Variants in PTH1R observed in about 807,000 individuals in gnomAD.
PTH1R encodes the protein parathyroid hormone 1 receptor, also known as parathyroid hormone/parathyroid hormone-related peptide receptor.
A neutral mutation model predicts 70.7 loss-of-function variants in PTH1R; 32 were observed. That is an observed-to-expected ratio of 0.45 (90% confidence interval 0.34 to 0.61). The LOEUF is 0.61. PTH1R is among the 20% of genes least tolerant of loss of function. PTH1R has a pLI of 0.01. For missense variants in PTH1R, 626 were observed against 792.5 expected, an observed-to-expected ratio of 0.79 and a Z score of 2.52; for synonymous variants, 329 against 324.8, an observed-to-expected ratio of 1.01 and a Z score of -0.14.
chr3:46,880,604 G>A (rs1328436639), intron 1 of PTH1R, among the ~76,000 whole-genome samples: 3 of 152,150 alleles, frequency 2.0e-5, no homozygotes, highest in African/African-American at 7.2e-5. Context: ...AGCCAGGTTG[G>A]TGGTACACAC....
rs1475881811 is a variant in PTH1R at position 46,882,181 on chromosome 3, A to AGG, written c.-49+1067_-49+1068dup. ...CACACTCCCGCGTCGGCGGCTGCGG[A>AGG]GGGGGTGGGGGCGGGAGAGGCCCGG... On this transcript the variant is annotated intron_variant, in intron 2 of 15. Transcript: ENST00000449590. The surrounding 1 kb of genome is among the most constrained non-coding windows in gnomAD (Gnocchi z 4.3). The AGG allele has an allele frequency of 7.6e-6, 1 of 131,190 alleles. No individual in the cohort carries two copies. The highest frequency in any genetic ancestry group is 1.7e-5 in the Non-Finnish European group (1 of 59,412). The allele number at this position is 131,190 out of a possible 1,614,324, so 8.1% of individuals were successfully genotyped here. A position where few individuals can be genotyped will look rare whatever the true frequency, so the allele number is the denominator to read the frequency against.
intron 3 of PTH1R, among the ~76,000 whole-genome samples, chr3:46,885,100 G>A (rs1024417735): frequency 1.3e-5 from 2 of 152,130 alleles, no homozygotes; most frequent in Non-Finnish European, 2.9e-5. Flanking sequence ...GGTGTGTGAC[G>A]GCCTGAGGGG....
rs113835526 is a variant in PTH1R at position 46,902,166 on chromosome 3, G to A, written c.1211+306G>A. Among the ~76,000 whole-genome samples, 107 of 152,328 alleles carry A rather than the reference G, an allele frequency of 7.0e-4. No individual in the cohort carries two copies. Among genetic ancestry groups the A allele is most frequent in the Admixed American group, 1.9e-3 (29 of 15,304 alleles). On this transcript the variant is annotated intron_variant, in intron 13 of 15. Coordinates refer to ENST00000449590, the MANE Select transcript of PTH1R (RefSeq NM_000316.3). The surrounding 1 kb of genome is among the most constrained non-coding windows in gnomAD (Gnocchi z 5.4). Reference sequence around the variant, plus strand: ...CAGGGGGTCTGAGGAACAGGTAGGCGGTGAGTGGCCCCGGGAAGGCTGCAG... The same window carrying A: ...CAGGGGGTCTGAGGAACAGGTAGGCAGTGAGTGGCCCCGGGAAGGCTGCAG...
Position 46,903,750 on chromosome 3 carries a change from A to G in PTH1R, c.*94A>G. On this transcript the variant is annotated 3_prime_UTR_variant, in exon 16 of 16. Coordinates refer to ENST00000449590, the MANE Select transcript of PTH1R (RefSeq NM_000316.3). This position sits in a 1 kb window ranked among gnomAD's most constrained non-coding sequence, Gnocchi z 4.4. Reference sequence around the variant, plus strand: ...TGATTTCCCACTCAGGGCTGGGGCCAAGAGGAAAAACAGGGAAAAAAAGAA... The same window carrying G: ...TGATTTCCCACTCAGGGCTGGGGCCGAGAGGAAAAACAGGGAAAAAAAGAA... 1 of 1,555,528 alleles carries G rather than the reference A, an allele frequency of 6.4e-7. No homozygotes were observed. Among genetic ancestry groups the G allele is most frequent in the South Asian group, 1.2e-5 (1 of 84,820 alleles).
Position 46,902,589 on chromosome 3 carries a change from G to A in PTH1R, c.1275G>A (p.Met425Ile), listed in dbSNP as rs1477819085. The A allele has an allele frequency of 6.2e-7, 1 of 1,613,632 alleles. No individual in the cohort carries two copies. The highest frequency in any genetic ancestry group is 2.2e-5 in the East Asian group (1 of 44,888). ...PLFGVHYIVF[M>I]ATPYTEVSGT... ...TTGGCGTCCACTACATTGTCTTCAT[G>A]GCCACACCATACACCGAGGTCTCAG... is the stretch of plus-strand genomic sequence containing the variant. Residue 425 changes from methionine to isoleucine, a missense_variant, in exon 14 of 16, where the codon ATG becomes ATA. Met to Ile is a conservative substitution (Grantham distance 10, BLOSUM62 1). This residue lies in a region of PTH1R where 495 missense variants were observed against 638.7 expected (regional missense o/e 0.77). Coordinates refer to ENST00000449590, the MANE Select transcript of PTH1R (RefSeq NM_000316.3). The surrounding 1 kb of genome is among the most constrained non-coding windows in gnomAD (Gnocchi z 5.4).
In PTH1R at chr3:46,901,261, G is replaced by A. The variant is rs1398219979; in HGVS notation, c.1050-153G>A. 6.6e-6 allele frequency among the ~76,000 whole-genome samples: 1 copy of A among 152,190 alleles called. No individual in the cohort carries two copies. The highest frequency in any genetic ancestry group is 1.5e-5 in the Non-Finnish European group (1 of 68,038). On this transcript the variant is annotated intron_variant, in intron 11 of 15. Coordinates refer to ENST00000449590, the MANE Select transcript of PTH1R (RefSeq NM_000316.3). This position sits in a 1 kb window ranked among gnomAD's most constrained non-coding sequence, Gnocchi z 7.3. ...GGTCACAGGAGGCTACTTCCAAAGA[G>A]GCCTGTGAGGGAGGCCTCAGGCCTG...
chr3:46,878,127 C>G (rs1474239332), intron 1 of PTH1R, among the ~76,000 whole-genome samples: 1 of 152,186 alleles, frequency 6.6e-6, no homozygotes, highest in Non-Finnish European at 1.5e-5. Flanking sequence ...ATCGCCCCTC[C>G]CTTCACCTTC....
chr3:46,890,745 C>T (rs1432754842), intron 3 of PTH1R, among the ~76,000 whole-genome samples: 1 of 152,098 alleles, frequency 6.6e-6, no homozygotes, highest in Admixed American at 6.5e-5. Flanking sequence ...AGGTGATCCA[C>T]CTGGTTTGGC....
chr3:46,883,696 T>G lies in PTH1R; in HGVS notation c.75+62T>G, dbSNP rs1337808352. ...CGGGCTTACCCTAGGGTCCGCGGGA[T>G]AGGTCTAAGGCACGCAGTCTTGAGT... On this transcript the variant is annotated intron_variant, in intron 3 of 15. Coordinates refer to ENST00000449590, the MANE Select transcript of PTH1R (RefSeq NM_000316.3). This position sits in a 1 kb window ranked among gnomAD's most constrained non-coding sequence, Gnocchi z 6.4. 6.5e-7 allele frequency: 1 copy of G among 1,534,860 alleles called. No homozygotes were observed. Among genetic ancestry groups the G allele is most frequent in the Non-Finnish European group, 8.8e-7 (1 of 1,139,618 alleles).
intron 3 of PTH1R, among the ~76,000 whole-genome samples, chr3:46,888,539 C>T (rs567418986): frequency 2.6e-5 from 4 of 152,180 alleles, no homozygotes; most frequent in South Asian, 2.1e-4. Flanking sequence ...AAAGGTGGGG[C>T]GAGGGTTTTG....
rs1304478200 is a variant in PTH1R, at chr3:46,901,506, C to A, written c.1116+26C>A. On this transcript the variant is annotated intron_variant, in intron 12 of 15. Coordinates refer to ENST00000449590, the MANE Select transcript of PTH1R (RefSeq NM_000316.3). The surrounding 1 kb of genome is among the most constrained non-coding windows in gnomAD (Gnocchi z 7.3). ...GTGAGCAGGGGTGGGCTGCTGGCCA[C>A]AGGGGTGGGTGGGATGTGCGCCTGC... 15 of 1,556,000 alleles carry A rather than the reference C, an allele frequency of 9.6e-6. No homozygotes were observed. Among genetic ancestry groups the A allele is most frequent in the African/African-American group, 5.5e-5 (4 of 73,386 alleles).
intron 10 of PTH1R, among the ~76,000 whole-genome samples, chr3:46,900,054 G>A (rs1442983788): frequency 3.9e-5 from 6 of 152,362 alleles, no homozygotes; most frequent in South Asian, 4.1e-4. Context: ...GTCCATTATT[G>A]TTGGCAGCTG....
In PTH1R at chr3:46,901,930, G is replaced by A; in HGVS notation, c.1211+70G>A. On this transcript the variant is annotated intron_variant, in intron 13 of 15. Transcript: ENST00000449590. This position sits in a 1 kb window ranked among gnomAD's most constrained non-coding sequence, Gnocchi z 7.3. ...TGAGTCCTGGTACCATGTACCCCAG[G>A]AAAGACAGTGGCCCCATGAATGATC... 2 of 1,428,330 alleles carry A rather than the reference G, an allele frequency of 1.4e-6. No homozygotes were observed. The highest frequency in any genetic ancestry group is 2.0e-6 in the Non-Finnish European group (2 of 1,016,740). The allele number at this position is 1,428,330 out of a possible 1,614,324, so 88.5% of individuals were successfully genotyped here.
Position 46,893,922 on chromosome 3 carries a change from G to A in PTH1R, c.91G>A (p.Val31Ile), listed in dbSNP as rs748205910. 16 of 1,613,942 alleles carry A rather than the reference G, an allele frequency of 9.9e-6. No homozygotes were observed. The South Asian group carries it at 1.1e-4, about 11-fold the overall frequency. ...SAYALVDADD[V>I]MTKEEQIFLL... ...GGCTTGGCAGGTGGATGCAGATGAC[G>A]TCATGACTAAAGAGGAACAGATCTT... The change falls in exon 4 of 16, where the codon GTC (valine) becomes ATC (isoleucine). Residue 31 changes from valine (V) to isoleucine (I), a missense_variant. Physicochemically the swap from Val to Ile is conservative, Grantham distance 29. Around this residue, in one of 3 missense-constraint regions of PTH1R, gnomAD observed 123 missense variants for 125.7 expected, o/e 0.98. Transcript: ENST00000449590. This position sits in a 1 kb window ranked among gnomAD's most constrained non-coding sequence, Gnocchi z 5.2.
chr3:46,878,980 C>A (rs192334098), intron 1 of PTH1R, among the ~76,000 whole-genome samples: 98 of 152,332 alleles, frequency 6.4e-4, no homozygotes, highest in Admixed American at 3.3e-3. Context: ...TGACTCTGAG[C>A]CCCTGGGGCG....
chr3:46,890,647 C>T (rs932710413), intron 3 of PTH1R, among the ~76,000 whole-genome samples: 3 of 151,858 alleles, frequency 2.0e-5, no homozygotes, highest in Non-Finnish European at 2.9e-5. Context: ...GGATTACAGG[C>T]GCACCACCAC....
intron 5 of PTH1R, 122 bp downstream of exon 5, chr3:46,895,991 A>G (rs555165300): frequency 1.5e-4 from 189 of 1,300,282 alleles, no homozygotes; most frequent in Middle Eastern, 1.3e-3. Context: ...GGCTGCAGCC[A>G]CATCCCCAGG....
At position 46,903,048 on chromosome 3, in the gene PTH1R, G is replaced by A; in HGVS notation, c.1396-222G>A. The A allele has an allele frequency of 9.8e-7, 1 of 1,023,734 alleles. No homozygotes were observed. Among genetic ancestry groups the A allele is most frequent in the Non-Finnish European group, 1.5e-6 (1 of 680,490 alleles). 63.4% of individuals were successfully genotyped at this position (1,023,734 alleles called of 1,614,324 possible). Reference sequence around the variant, plus strand: ...TCAATTATCTGTGACCCAGATTGGAGGACTCAGCCACCTTTGGGGCAATTT... The same window carrying A: ...TCAATTATCTGTGACCCAGATTGGAAGACTCAGCCACCTTTGGGGCAATTT... On this transcript the variant is annotated intron_variant, in intron 15 of 15. Coordinates refer to ENST00000449590, the MANE Select transcript of PTH1R (RefSeq NM_000316.3). This position sits in a 1 kb window ranked among gnomAD's most constrained non-coding sequence, Gnocchi z 4.4.
chr3:46,886,156 G>A (rs546460286), intron 3 of PTH1R, among the ~76,000 whole-genome samples: 5 of 152,242 alleles, frequency 3.3e-5, no homozygotes, highest in African/African-American at 9.6e-5. Flanking sequence ...TTGAGGATGC[G>A]TCCTCCTAAG....
Sources: allele counts gnomAD v4.1 joint callset (sites outside exome capture counted in the v4.1 genomes callset), GRCh38; gene constraint gnomAD v4.1.1; regional missense constraint gnomAD v4.1.1; non-coding constraint Gnocchi (gnomAD v3.1); transcripts MANE v1.5; gene names NCBI Gene and HGNC (gene_info 2026-07-23, HGNC 2026-07-21).